DIAPH2: variants seen among roughly 807,000 people sequenced by gnomAD.
DIAPH2 encodes the protein protein diaphanous homolog 2.
A neutral mutation model predicts 92.7 loss-of-function variants in DIAPH2; 35 were observed. That is an observed-to-expected ratio of 0.38 (90% CI 0.29 to 0.50). The LOEUF (loss-of-function observed/expected upper bound fraction) is 0.50, where lower values mean the gene tolerates loss of function less well. Among genes scored for constraint, DIAPH2 ranks in the 20% least tolerant of loss-of-function variants. DIAPH2 has a pLI of 0.94. For synonymous variants in DIAPH2, 301 were observed against 280.4 expected (o/e 1.07, Z -0.73); for missense variants, 701 against 819.5 (o/e 0.86, Z 1.77).
chrX:97,301,363 G>C (rs2068704452), intron 23 of DIAPH2, among the ~76,000 whole-genome samples: 1 of 109,883 alleles, frequency 9.1e-6, no homozygotes. Context: ...TTTTATCTAT[G>C]GTACCTTAAT....
chrX:97,221,075 A>G (rs1441600770), intron 22 of DIAPH2, among the ~76,000 whole-genome samples: 1 of 111,167 alleles, frequency 9.0e-6, no homozygotes, highest in Non-Finnish European at 1.9e-5. Context: ...TATAAAAGTC[A>G]TATGAGCATT....
intron 19 of DIAPH2, among the ~76,000 whole-genome samples, chrX:97,086,614 C>G (rs993654637): frequency 1.8e-5 from 2 of 111,663 alleles, no homozygotes; most frequent in Non-Finnish European, 3.8e-5. Context: ...ACAGTGTATA[C>G]ATATATCAAA....
chrX:96,696,509 T>C (rs1012858774), intron 1 of DIAPH2, among the ~76,000 whole-genome samples: 8 of 112,235 alleles, frequency 7.1e-5, no homozygotes, highest in African/African-American at 2.6e-4. Flanking sequence ...AAGTTGGAAT[T>C]AGGCTGAATG....
At chrX:97,211,280 A>C (rs1424965309) in intron 22 of DIAPH2, among the ~76,000 whole-genome samples, 1 of 111,172 alleles carries the variant, frequency 9.0e-6, no homozygotes, top group Non-Finnish European at 1.9e-5. Flanking sequence ...TCAGGGCATG[A>C]GTAATGTTCT....
At chrX:97,230,112 G>T (rs1460588984) in intron 22 of DIAPH2, among the ~76,000 whole-genome samples, 1 of 110,319 alleles carries the variant, frequency 9.1e-6, no homozygotes, top group Non-Finnish European at 1.9e-5. Flanking sequence ...GCATGAAAGA[G>T]ATCTCTATTT....
At chrX:97,131,505 A>G (rs1428315576) in intron 21 of DIAPH2, among the ~76,000 whole-genome samples, 1 of 111,962 alleles carries the variant, frequency 8.9e-6, no homozygotes, top group Admixed American at 9.5e-5. Context: ...AGAGCGAATG[A>G]GTCCTATGGA....
chrX:97,258,870 CAAAAAAAAA>C (rs141981932), intron 23 of DIAPH2, among the ~76,000 whole-genome samples: 3 of 39,081 alleles, frequency 7.7e-5, no homozygotes, highest in African/African-American at 2.4e-4. Context: ...GACTCCGTCT[CAAAAAAAAA>C]AAAAAAAAAA....
At chrX:97,099,227 A>G (rs919005915) in intron 19 of DIAPH2, among the ~76,000 whole-genome samples, 7 of 110,651 alleles carry the variant, frequency 6.3e-5, no homozygotes, top group South Asian at 3.9e-4. Context: ...TTAGCCCGGC[A>G]TGGTGGCGGG....
chrX:97,538,177 C>G (rs1269186586), intron 26 of DIAPH2, among the ~76,000 whole-genome samples: 2 of 111,276 alleles, frequency 1.8e-5, no homozygotes, highest in African/African-American at 6.5e-5. Context: ...AGCCACCGCG[C>G]CCAGCCAAGA....
At chrX:97,322,903 C>CTTTTTT (rs1160046333) in intron 23 of DIAPH2, among the ~76,000 whole-genome samples, 11 of 76,895 alleles carry the variant, frequency 1.4e-4, no homozygotes, top group Non-Finnish European at 2.5e-4. Flanking sequence ...TATCCCAGTT[C>CTTTTTT]TTTTTTTTTT....
At chrX:97,160,463 T>C (rs1193344781) in intron 22 of DIAPH2, among the ~76,000 whole-genome samples, 2 of 112,146 alleles carry the variant, frequency 1.8e-5, no homozygotes, top group African/African-American at 3.2e-5. Flanking sequence ...TTTTATTTTA[T>C]CTTATTATTT....
intron 4 of DIAPH2, among the ~76,000 whole-genome samples, chrX:96,802,706 G>A (rs765943971): frequency 9.0e-6 from 1 of 111,525 alleles, no homozygotes; most frequent in Non-Finnish European, 1.9e-5. Context: ...AATAGGATAG[G>A]TGTATACATG....
In DIAPH2 at chrX:97,454,787, G is replaced by A. The variant is rs560053207; in HGVS notation, c.3241+25042G>A. Among the ~76,000 whole-genome samples the A allele has an allele frequency of 1.6e-4, 18 of 109,907 alleles. 1 individual carries two copies. The South Asian group carries it at 2.4e-3, about 15-fold the overall frequency. On this transcript the variant is annotated intron_variant, in intron 26 of 26. Coordinates refer to ENST00000324765, the MANE Select transcript of DIAPH2 (RefSeq NM_006729.5). ...GGAGAATCGCTTGAACCTGAGAGGC[G>A]GAGGTTGCAGTGAGCCAAGATTGCA...
intron 4 of DIAPH2, among the ~76,000 whole-genome samples, chrX:96,829,360 A>G (rs2064835211): frequency 9.1e-6 from 1 of 110,492 alleles, no homozygotes; most frequent in Non-Finnish European, 1.9e-5. Flanking sequence ...AAAAAGATTT[A>G]GAAAGATATA....
intron 25 of DIAPH2, among the ~76,000 whole-genome samples, chrX:97,390,323 G>T (rs1477715230): frequency 1.1e-5 from 1 of 93,760 alleles, no homozygotes; most frequent in Admixed American, 1.4e-4. Context: ...GGGCTCAAAC[G>T]ATCCTCCCAC....
At chrX:97,305,430 T>C (rs2068737973) in intron 23 of DIAPH2, among the ~76,000 whole-genome samples, 1 of 109,216 alleles carries the variant, frequency 9.2e-6, no homozygotes, top group African/African-American at 3.4e-5. Context: ...GAGGCAGAGA[T>C]TGCAGTGAGA....
In DIAPH2 at chrX:97,409,137, A is replaced by G. The variant is rs769956059; in HGVS notation, c.3146-20513A>G. ...TATTTTGCCTGTGAAGAAGTGGTAT[A>G]GCTGAGTCATGTTTTAAATTTGGAG... On this transcript the variant is annotated intron_variant, in intron 25 of 26. Coordinates refer to ENST00000324765, the MANE Select transcript of DIAPH2 (RefSeq NM_006729.5). 5.4e-5 allele frequency among the ~76,000 whole-genome samples: 6 copies of G among 112,139 alleles called. No homozygotes were observed. In the South Asian group the frequency reaches 2.2e-3, roughly 42 times the overall value.
chrX:96,696,221 TG>T (rs1299274642), intron 1 of DIAPH2, among the ~76,000 whole-genome samples: 2 of 111,380 alleles, frequency 1.8e-5, no homozygotes, highest in Non-Finnish European at 3.8e-5. Context: ...CATTCCAGCC[TG>T]GGTGACAGAG....
chrX:96,939,502 A>ATATG, intron 12 of DIAPH2, 120 bp downstream of exon 12: 1 of 79,441 alleles, frequency 1.3e-5, no homozygotes, highest in African/African-American at 4.9e-5. Flanking sequence ...ATATATATGT[A>ATATG]TATATATATG....
Sources: gnomAD v4.1 joint callset for allele counts (sites outside exome capture counted in the v4.1 genomes callset) on GRCh38, gnomAD v4.1.1 for gene constraint, MANE v1.5 for transcripts, NCBI Gene and HGNC (gene_info 2026-07-23, HGNC 2026-07-21) for gene names.